Variants in DEPDC1B observed in about 807,000 individuals in gnomAD.
DEPDC1B encodes the protein DEP domain-containing protein 1B.
In DEPDC1B, 51 loss-of-function variants were observed where a neutral mutation model predicts 66.5. The observed-to-expected ratio is 0.77, with a 90% CI of 0.61 to 0.97. The LOEUF is 0.97. DEPDC1B is among the 50% of genes least tolerant of loss of function. The pLI, the probability that DEPDC1B is intolerant of heterozygous loss-of-function variation, is 0.00. For synonymous variants in DEPDC1B, 226 were observed against 223.6 expected (o/e 1.01, Z -0.10); for missense variants, 552 against 637.1 (o/e 0.87, Z 1.44).
chr5:60,603,264 C>A, intron 9 of DEPDC1B, 127 bp downstream of exon 9: 1 of 807,538 alleles, frequency 1.2e-6, no homozygotes, highest in Non-Finnish European at 1.8e-6. Context: ...TGTGCCAAGA[C>A]CTGTTGTAAG....
intron 1 of DEPDC1B, among the ~76,000 whole-genome samples, chr5:60,696,978 A>G (rs1754670527): frequency 6.6e-6 from 1 of 152,216 alleles, no homozygotes. Flanking sequence ...TGATCTTGCC[A>G]TTCTAACTCT....
chr5:60,677,925 T>A (rs184377884), intron 2 of DEPDC1B, among the ~76,000 whole-genome samples: 1 of 152,272 alleles, frequency 6.6e-6, no homozygotes, highest in East Asian at 1.9e-4. Context: ...GAGGAAGTAG[T>A]CCATTAATTT....
At chr5:60,686,405 T>C (rs1344293454) in intron 2 of DEPDC1B, among the ~76,000 whole-genome samples, 2 of 152,208 alleles carry the variant, frequency 1.3e-5, no homozygotes, top group African/African-American at 4.8e-5. Flanking sequence ...AAGCAGCCTT[T>C]ATTTTCCCTT....
At chr5:60,682,736 C>T (rs1754324584) in intron 2 of DEPDC1B, among the ~76,000 whole-genome samples, 2 of 151,908 alleles carry the variant, frequency 1.3e-5, no homozygotes, top group African/African-American at 2.4e-5. Context: ...ATGATTGAAC[C>T]AGAAATAAAT....
chr5:60,691,314 A>C (rs1561395456), intron 1 of DEPDC1B, among the ~76,000 whole-genome samples: 1 of 152,130 alleles, frequency 6.6e-6, no homozygotes, highest in Non-Finnish European at 1.5e-5. Flanking sequence ...TCAGCCTCCC[A>C]AAGTGCTGGG....
At chr5:60,603,607 A>AT in intron 8 of DEPDC1B, 40 bp from the exon 9 acceptor site, 1 of 1,529,370 alleles carries the variant, frequency 6.5e-7, no homozygotes, top group Non-Finnish European at 8.7e-7. Flanking sequence ...GCAGATGAGT[A>AT]TTTTTCTGAA....
rs188256196 is a variant in DEPDC1B, at chr5:60,624,000, G to T, written c.898+14750C>A. 7.9e-5 allele frequency among the ~76,000 whole-genome samples: 12 copies of T among 152,050 alleles called. No homozygotes were observed. In the East Asian group the frequency reaches 2.3e-3, roughly 29 times the overall value. ...CTTAAATCACTTATTTCATTTTCAT[G>T]CCTTTAAGGCATGAAAGCACTGCTG... is the stretch of plus-strand genomic sequence containing the variant. On this transcript the variant is annotated intron_variant, in intron 7 of 10. Coordinates refer to ENST00000265036, the MANE Select transcript of DEPDC1B (RefSeq NM_018369.3).
intron 2 of DEPDC1B, among the ~76,000 whole-genome samples, chr5:60,686,661 C>A (rs138063666): frequency 7.4e-4 from 113 of 152,304 alleles, no homozygotes; most frequent in African/African-American, 2.5e-3. Context: ...ATTTCAGATT[C>A]TCCAGGAGAA....
intron 2 of DEPDC1B, among the ~76,000 whole-genome samples, chr5:60,681,688 A>C (rs1754300321): frequency 6.6e-6 from 1 of 152,226 alleles, no homozygotes; most frequent in African/African-American, 2.4e-5. Context: ...CTGAAAAAGA[A>C]TTTCAAATAA....
At chr5:60,678,786 CT>C in intron 2 of DEPDC1B, among the ~76,000 whole-genome samples, 1 of 152,204 alleles carries the variant, frequency 6.6e-6, no homozygotes, top group Admixed American at 6.5e-5. Context: ...TTTACATATT[CT>C]TGATAGCACT....
intron 2 of DEPDC1B, among the ~76,000 whole-genome samples, chr5:60,657,529 G>A (rs1243904402): frequency 6.6e-6 from 1 of 152,114 alleles, no homozygotes; most frequent in Non-Finnish European, 1.5e-5. Context: ...TTAAAAGACT[G>A]TATCTTTGCT....
intron 7 of DEPDC1B, among the ~76,000 whole-genome samples, chr5:60,621,099 T>C (rs1446965456): frequency 2.0e-5 from 3 of 151,578 alleles, no homozygotes; most frequent in African/African-American, 7.3e-5. Context: ...TGAGAACACA[T>C]TGACACAGGA....
At chr5:60,616,240 C>G (rs1043564833) in intron 7 of DEPDC1B, among the ~76,000 whole-genome samples, 16 of 152,298 alleles carry the variant, frequency 1.1e-4, no homozygotes, top group African/African-American at 3.8e-4. Context: ...AGCACCTCTC[C>G]TCCTCCAAAG....
chr5:60,680,545 AAC>A (rs1387114309), intron 2 of DEPDC1B, among the ~76,000 whole-genome samples: 1 of 152,196 alleles, frequency 6.6e-6, no homozygotes, highest in Non-Finnish European at 1.5e-5. Flanking sequence ...AAAATTCTCT[AAC>A]ATATATATGC....
chr5:60,603,539 A>AC lies in DEPDC1B; in HGVS notation c.1093_1094insG (p.Leu365CysfsTer6). 1.2e-6 allele frequency: 2 copies of AC among 1,606,418 alleles called. No individual in the cohort carries two copies. The highest frequency in any genetic ancestry group is 1.7e-6 in the Non-Finnish European group (2 of 1,177,836). On this transcript the variant is annotated frameshift_variant, in exon 9 of 11. Transcript: ENST00000265036. LOFTEE classifies it high-confidence loss of function. ...CAAGTCCACTTCATCCTTGGAACAC[A>AC]AGATGCAACGGGAAAATGTCTGAAC...
At chr5:60,638,279 A>G (rs1301740205) in intron 7 of DEPDC1B, among the ~76,000 whole-genome samples, 1 of 152,178 alleles carries the variant, frequency 6.6e-6, no homozygotes, top group Non-Finnish European at 1.5e-5. Context: ...TTAATTAATG[A>G]TAAAGTCACT....
At chr5:60,657,547 T>C (rs553766501) in intron 2 of DEPDC1B, among the ~76,000 whole-genome samples, 1 of 152,362 alleles carries the variant, frequency 6.6e-6, no homozygotes, top group African/African-American at 2.4e-5. Context: ...GCTTTGTTTA[T>C]GAAGCTTAGT....
chr5:60,677,429 C>A (rs1294834271), intron 2 of DEPDC1B, among the ~76,000 whole-genome samples: 1 of 151,312 alleles, frequency 6.6e-6, no homozygotes, highest in African/African-American at 2.4e-5. Flanking sequence ...TCCTTCACTG[C>A]CACGGATTGG....
In DEPDC1B at chr5:60,619,570, T is replaced by G. The variant is rs928641673; in HGVS notation, c.899-13714A>C. Among the ~76,000 whole-genome samples, 49 of 152,172 alleles carry G rather than the reference T, an allele frequency of 3.2e-4. 1 individual carries two copies. The highest frequency in any genetic ancestry group is 1.7e-3 in the East Asian group (9 of 5,176). On this transcript the variant is annotated intron_variant, in intron 7 of 10. Transcript: ENST00000265036. ...TCAAACAGAATAAAATACCTAGGAA[T>G]CCAACTTACAAGGGATGTGAAGGAC...
Sources: allele counts gnomAD v4.1 joint callset (sites outside exome capture counted in the v4.1 genomes callset), GRCh38; gene constraint gnomAD v4.1.1; transcripts MANE v1.5; gene names NCBI Gene and HGNC (gene_info 2026-07-23, HGNC 2026-07-21).